ANO6: variants seen among roughly 807,000 people sequenced by gnomAD.
ANO6 encodes the protein anoctamin-6.
Under a neutral mutation model 117.5 loss-of-function variants are expected in ANO6, and 106 were observed. That is an observed-to-expected ratio of 0.90 (90% CI 0.77 to 1.06). The LOEUF is 1.06. ANO6 is among the 50% of genes least tolerant of loss of function. The pLI is 0.00. For missense variants in ANO6, 955 were observed against 1,121.1 expected, an observed-to-expected ratio of 0.85 and a Z score of 2.12; for synonymous variants, 367 against 385.1, an observed-to-expected ratio of 0.95 and a Z score of 0.55.
chr12:45,351,297 C>T (rs570261659), intron 7 of ANO6, among the ~76,000 whole-genome samples: 1 of 152,300 alleles, frequency 6.6e-6, no homozygotes, highest in East Asian at 1.9e-4. Flanking sequence ...TATGGTAAGA[C>T]ATGTACATTT....
intron 8 of ANO6, among the ~76,000 whole-genome samples, chr12:45,367,112 G>C (rs939011958): frequency 4.6e-5 from 7 of 152,146 alleles, no homozygotes; most frequent in Non-Finnish European, 1.0e-4. Flanking sequence ...TTCTCGAGTA[G>C]CTGGGATTAC....
intron 9 of ANO6, among the ~76,000 whole-genome samples, chr12:45,374,538 G>A (rs1593031833): frequency 2.2e-5 from 2 of 89,258 alleles, no homozygotes; most frequent in East Asian, 3.1e-4. Flanking sequence ...GGGATGCAAG[G>A]CTGGTTCAAT....
intron 3 of ANO6, among the ~76,000 whole-genome samples, chr12:45,334,924 T>C (rs188670941): frequency 5.3e-4 from 81 of 152,162 alleles, no homozygotes; most frequent in Non-Finnish European, 9.6e-4. Context: ...TTTTGAATTT[T>C]GTTTTGTCTG....
chr12:45,354,399 T>A (rs2137465837), intron 7 of ANO6, among the ~76,000 whole-genome samples: 1 of 152,192 alleles, frequency 6.6e-6, no homozygotes, highest in South Asian at 2.1e-4. Context: ...TATGAGGAAT[T>A]TTCACAGTTT....
At chr12:45,423,206 G>A (rs1943411302) in intron 19 of ANO6, 144 bp downstream of exon 19, 1 of 713,996 alleles carries the variant, frequency 1.4e-6, no homozygotes, top group Non-Finnish European at 2.5e-6. Flanking sequence ...AATCAGTATT[G>A]ACCTGAAAAT....
chr12:45,309,508 T>TCTA (rs1939780983), intron 2 of ANO6, among the ~76,000 whole-genome samples: 1 of 152,086 alleles, frequency 6.6e-6, no homozygotes, highest in African/African-American at 2.4e-5. Context: ...TACCCACAGG[T>TCTA]CTACAAATTT....
intron 1 of ANO6, among the ~76,000 whole-genome samples, chr12:45,284,084 G>A (rs893418021): frequency 6.6e-6 from 1 of 152,218 alleles, no homozygotes; most frequent in African/African-American, 2.4e-5. Context: ...CAAAGATACA[G>A]GGGAAATTGT....
intron 13 of ANO6, among the ~76,000 whole-genome samples, chr12:45,402,433 A>G (rs1411733060): frequency 6.6e-6 from 1 of 152,154 alleles, no homozygotes; most frequent in Non-Finnish European, 1.5e-5. Flanking sequence ...TGCTGTTCAT[A>G]TTAATATAAT....
At chr12:45,340,131 G>A (rs1592986966) in intron 3 of ANO6, among the ~76,000 whole-genome samples, 1 of 152,110 alleles carries the variant, frequency 6.6e-6, no homozygotes, top group African/African-American at 2.4e-5. Context: ...AATGTGTAAT[G>A]TGTAATCTAG....
At chr12:45,339,519 G>A (rs1405827669) in intron 3 of ANO6, among the ~76,000 whole-genome samples, 1 of 152,034 alleles carries the variant, frequency 6.6e-6, no homozygotes, top group Non-Finnish European at 1.5e-5. Flanking sequence ...GTCGTATTTG[G>A]AAGTGAACTT....
At chr12:45,327,342 C>T (rs949583629) in intron 2 of ANO6, among the ~76,000 whole-genome samples, 14 of 152,092 alleles carry the variant, frequency 9.2e-5, no homozygotes, top group Non-Finnish European at 1.6e-4. Context: ...CTGGTGGATA[C>T]GTTGATTTTA....
At chr12:45,232,497 A>T (rs979556252) in intron 1 of ANO6, among the ~76,000 whole-genome samples, 12 of 152,210 alleles carry the variant, frequency 7.9e-5, no homozygotes, top group African/African-American at 2.9e-4. Context: ...TCACTGGGAG[A>T]TGGCTGACAA....
At chr12:45,315,356 G>A (rs1026852650) in intron 2 of ANO6, among the ~76,000 whole-genome samples, 1 of 152,070 alleles carries the variant, frequency 6.6e-6, no homozygotes, top group Non-Finnish European at 1.5e-5. Flanking sequence ...GCAACGTGCA[G>A]ACAGTCCAGT....
intron 1 of ANO6, among the ~76,000 whole-genome samples, chr12:45,293,545 GA>G (rs1939176768): frequency 6.6e-6 from 1 of 151,240 alleles, no homozygotes; most frequent in South Asian, 2.1e-4. Flanking sequence ...ATGTCCAACT[GA>G]AAAAAATACT....
chr12:45,410,394 C>T (rs1054374943), intron 16 of ANO6, among the ~76,000 whole-genome samples: 6 of 152,170 alleles, frequency 3.9e-5, no homozygotes, highest in African/African-American at 1.2e-4. Context: ...TAGCACAGGT[C>T]CTCTCTTTCC....
In ANO6 at chr12:45,388,152, C is replaced by G. The variant is rs776562239; in HGVS notation, c.1166-9C>G. The G allele has an allele frequency of 1.2e-6, 2 of 1,613,760 alleles. No homozygotes were observed. Among genetic ancestry groups the G allele is most frequent in the Non-Finnish European group, 8.5e-7 (1 of 1,179,758 alleles). On this transcript the variant is annotated splice_polypyrimidine_tract_variant and intron_variant, in intron 10 of 19. Coordinates refer to ENST00000320560, the MANE Select transcript of ANO6 (RefSeq NM_001025356.3). Reference sequence around the variant, plus strand: ...AAAATCCACACAAGCTCTTCTGTCTCTCTGTTAGTTACCTTGTTTTTGGAG... The same window carrying G: ...AAAATCCACACAAGCTCTTCTGTCTGTCTGTTAGTTACCTTGTTTTTGGAG...
intron 3 of ANO6, among the ~76,000 whole-genome samples, chr12:45,336,070 G>A (rs748536818): frequency 2.0e-5 from 3 of 151,876 alleles, no homozygotes; most frequent in Non-Finnish European, 4.4e-5. Context: ...TGATTTTAAT[G>A]GGAATGTTTC....
chr12:45,244,901 A>G (rs577617274), intron 1 of ANO6, among the ~76,000 whole-genome samples: 41 of 152,362 alleles, frequency 2.7e-4, no homozygotes, highest in Admixed American at 7.8e-4. Flanking sequence ...GAGAGCTTAC[A>G]TCGAATGGCC....
At chr12:45,417,315 A>G (rs1259241812) in intron 17 of ANO6, among the ~76,000 whole-genome samples, 1 of 152,228 alleles carries the variant, frequency 6.6e-6, no homozygotes, top group Non-Finnish European at 1.5e-5. Context: ...ACTACTACAT[A>G]TTCCAAAGCA....
Sources: allele counts gnomAD v4.1 joint callset (sites outside exome capture counted in the v4.1 genomes callset), GRCh38; gene constraint gnomAD v4.1.1; transcripts MANE v1.5; gene names NCBI Gene and HGNC (gene_info 2026-07-23, HGNC 2026-07-21).